PPFIA2: variants seen among roughly 807,000 people sequenced by gnomAD.
PPFIA2 encodes liprin-alpha-2.
PPFIA2 carries 46 observed loss-of-function variants against 175.5 expected under a neutral mutation model. That is an observed-to-expected ratio of 0.26 (90% CI 0.21 to 0.34). The LOEUF (loss-of-function observed/expected upper bound fraction) is 0.34. Among genes scored for constraint, PPFIA2 ranks in the 10% least tolerant of loss-of-function variants. PPFIA2 has a pLI of 1.00. For missense variants in PPFIA2, 1,179 were observed against 1,506.1 expected (o/e 0.78, Z 3.60); for synonymous variants, 568 against 511.4 (o/e 1.11, Z -1.49).
intron 4 of PPFIA2, among the ~76,000 whole-genome samples, chr12:81,666,422 T>C (rs536621105): frequency 5.9e-5 from 9 of 152,272 alleles, no homozygotes; most frequent in Middle Eastern, 3.4e-3. Flanking sequence ...CATGGAATAT[T>C]ATGCAGCCAT....
chr12:81,741,181 C>A (rs2082275231), intron 3 of PPFIA2, among the ~76,000 whole-genome samples: 1 of 152,316 alleles, frequency 6.6e-6, no homozygotes, highest in African/African-American at 2.4e-5. Context: ...ACCACCACCT[C>A]TTGATATAAA....
intron 21 of PPFIA2, among the ~76,000 whole-genome samples, chr12:81,330,210 G>A (rs2055820440): frequency 6.6e-6 from 1 of 152,068 alleles, no homozygotes; most frequent in Non-Finnish European, 1.5e-5. Flanking sequence ...AACAACAAAA[G>A]ACCCTACGAA....
intron 8 of PPFIA2, among the ~76,000 whole-genome samples, chr12:81,394,858 T>C (rs1417602591): frequency 1.3e-5 from 2 of 150,654 alleles, no homozygotes; most frequent in East Asian, 2.0e-4. Context: ...GAAAGATGAG[T>C]ATATTGTATT....
At chr12:81,449,907 G>T (rs1280210653) in intron 5 of PPFIA2, among the ~76,000 whole-genome samples, 1 of 149,834 alleles carries the variant, frequency 6.7e-6, no homozygotes, top group Non-Finnish European at 1.5e-5. Flanking sequence ...TTTTGTCCTT[G>T]CAATAGTTTG....
chr12:81,594,643 G>T (rs1343520517), intron 4 of PPFIA2, among the ~76,000 whole-genome samples: 1 of 152,224 alleles, frequency 6.6e-6, no homozygotes, highest in Non-Finnish European at 1.5e-5. Flanking sequence ...AGCCTGGTGG[G>T]GTGGCTCACT....
At chr12:81,725,134 A>G (rs2079890418) in intron 3 of PPFIA2, among the ~76,000 whole-genome samples, 1 of 150,942 alleles carries the variant, frequency 6.6e-6, no homozygotes, top group Non-Finnish European at 1.5e-5. Context: ...TAATTAATTC[A>G]GCTTTTTTTC....
At chr12:81,338,331 C>T (rs1338829136) in intron 21 of PPFIA2, among the ~76,000 whole-genome samples, 6 of 151,982 alleles carry the variant, frequency 3.9e-5, no homozygotes. Flanking sequence ...AAGACAACCC[C>T]CCATAAGTGA....
chr12:81,652,397 A>G (rs2067158447), intron 4 of PPFIA2, among the ~76,000 whole-genome samples: 2 of 151,750 alleles, frequency 1.3e-5, no homozygotes, highest in Admixed American at 6.6e-5. Context: ...AGTAAAAAAA[A>G]CAACACAAAG....
intron 3 of PPFIA2, among the ~76,000 whole-genome samples, chr12:81,747,710 G>A (rs1194468183): frequency 2.8e-5 from 4 of 143,944 alleles, no homozygotes; most frequent in African/African-American, 9.8e-5. Context: ...CAAGGTTATT[G>A]AGCTAGTAAG....
At chr12:81,561,248 C>T (rs961562835) in intron 4 of PPFIA2, among the ~76,000 whole-genome samples, 1 of 152,098 alleles carries the variant, frequency 6.6e-6, no homozygotes, top group Non-Finnish European at 1.5e-5. Context: ...TCCTATGTTC[C>T]ACCTTTCCCT....
chr12:81,643,493 T>C (rs2065643374), intron 4 of PPFIA2, among the ~76,000 whole-genome samples: 1 of 151,990 alleles, frequency 6.6e-6, no homozygotes, highest in Non-Finnish European at 1.5e-5. Flanking sequence ...AAGTAGAATG[T>C]TTACTTGAAT....
chr12:81,744,453 C>G (rs2082769882), intron 3 of PPFIA2, among the ~76,000 whole-genome samples: 1 of 120,804 alleles, frequency 8.3e-6, no homozygotes. Context: ...GACAGAGTTT[C>G]ACTATTGTTG....
intron 24 of PPFIA2, among the ~76,000 whole-genome samples, chr12:81,293,821 T>A (rs1171560817): frequency 6.6e-6 from 1 of 152,096 alleles, no homozygotes; most frequent in East Asian, 1.9e-4. Context: ...AATTGTTATA[T>A]CAAAATAATT....
chr12:81,637,141 C>G (rs940297006), intron 4 of PPFIA2, among the ~76,000 whole-genome samples: 2 of 148,464 alleles, frequency 1.3e-5, no homozygotes, highest in African/African-American at 5.0e-5. Context: ...GTGATCTCGG[C>G]TCACTGCAAC....
chr12:81,622,734 A>C (rs950423490), intron 4 of PPFIA2, among the ~76,000 whole-genome samples: 1 of 152,054 alleles, frequency 6.6e-6, no homozygotes, highest in Non-Finnish European at 1.5e-5. Context: ...GAAAACCTGA[A>C]CCCAACAGAA....
At chr12:81,389,828 T>G (rs373708226) in intron 8 of PPFIA2, among the ~76,000 whole-genome samples, 2 of 152,096 alleles carry the variant, frequency 1.3e-5, no homozygotes, top group East Asian at 3.9e-4. Context: ...AAACGCACCC[T>G]TTAAACATAA....
intron 3 of PPFIA2, among the ~76,000 whole-genome samples, chr12:81,744,841 A>G (rs1383908733): frequency 6.6e-6 from 1 of 152,258 alleles, no homozygotes; most frequent in Non-Finnish European, 1.5e-5. Flanking sequence ...GGGTAAAAAC[A>G]AAAGTATGTC....
intron 22 of PPFIA2, among the ~76,000 whole-genome samples, chr12:81,318,327 T>G (rs1378223095): frequency 1.3e-5 from 2 of 151,748 alleles, no homozygotes; most frequent in Non-Finnish European, 3.0e-5. Context: ...ACCCTGTTAC[T>G]GCTATTACGG....
At chr12:81,266,902 C>A in intron 30 of PPFIA2, 50 bp downstream of exon 30, 2 of 1,310,550 alleles carry the variant, frequency 1.5e-6, no homozygotes, top group Middle Eastern at 1.8e-4. Flanking sequence ...GATGTTCTAT[C>A]ATTTTTCTTT....
Sources: allele counts gnomAD v4.1 joint callset (sites outside exome capture counted in the v4.1 genomes callset), GRCh38; gene constraint gnomAD v4.1.1; transcripts MANE v1.5; gene names NCBI Gene and HGNC (gene_info 2026-07-23, HGNC 2026-07-21).